FHIT: variants seen among roughly 807,000 people sequenced by gnomAD.
The protein encoded by FHIT is bis(5'-adenosyl)-triphosphatase.
FHIT carries 19 observed loss-of-function variants against 17.9 expected under a neutral mutation model. The observed-to-expected ratio is 1.06, with a 90% CI of 0.74 to 1.56. FHIT has a LOEUF of 1.56. Among genes scored for constraint, FHIT ranks in the 40% most tolerant of loss-of-function variants. The probability of loss-of-function intolerance (pLI) is 0.00; values close to 1 mark genes in which losing one functional copy is unlikely to be tolerated. For synonymous variants in FHIT, 81 were observed against 69.7 expected (o/e 1.16, Z -0.81); for missense variants, 248 against 189.2 (o/e 1.31, Z -1.82).
At chr3:60,017,828 T>C (rs760044673) in intron 5 of FHIT, among the ~76,000 whole-genome samples, 1 of 152,170 alleles carries the variant, frequency 6.6e-6, no homozygotes, top group Non-Finnish European at 1.5e-5. Context: ...AAGAAAGACA[T>C]ATTCGCATTA....
At chr3:60,335,264 G>A (rs1032755745) in intron 5 of FHIT, among the ~76,000 whole-genome samples, 5 of 152,046 alleles carry the variant, frequency 3.3e-5, no homozygotes, top group African/African-American at 9.7e-5. Flanking sequence ...ATCTTCAGAA[G>A]TTGCCACAAC....
At chr3:60,072,765 A>G (rs1376856666) in intron 5 of FHIT, among the ~76,000 whole-genome samples, 10 of 152,198 alleles carry the variant, frequency 6.6e-5, no homozygotes, top group Admixed American at 5.2e-4. Flanking sequence ...ACTATTCTCT[A>G]TTGACAGTAT....
At chr3:59,780,625 T>G (rs1271436954) in intron 8 of FHIT, among the ~76,000 whole-genome samples, 3 of 152,176 alleles carry the variant, frequency 2.0e-5, no homozygotes, top group Admixed American at 6.5e-5. Context: ...TAGGGTTAGA[T>G]GAGGTCATGA....
chr3:60,832,139 T>C (rs561379467), intron 3 of FHIT, among the ~76,000 whole-genome samples: 1 of 152,094 alleles, frequency 6.6e-6, no homozygotes, highest in South Asian at 2.1e-4. Flanking sequence ...AACATTTTTT[T>C]CCCCACATTA....
At chr3:60,387,657 C>A (rs1331117079) in intron 5 of FHIT, among the ~76,000 whole-genome samples, 1 of 152,278 alleles carries the variant, frequency 6.6e-6, no homozygotes, top group South Asian at 2.1e-4. Context: ...TTTCTCCACT[C>A]TCTTGACTTC....
At chr3:60,117,820 C>A (rs556601467) in intron 5 of FHIT, among the ~76,000 whole-genome samples, 1 of 152,078 alleles carries the variant, frequency 6.6e-6, no homozygotes, top group Non-Finnish European at 1.5e-5. Flanking sequence ...AAATCCCCTG[C>A]TTCCTCTGTA....
chr3:60,660,819 G>C (rs2040230881), intron 4 of FHIT, among the ~76,000 whole-genome samples: 1 of 130,648 alleles, frequency 7.7e-6, no homozygotes, highest in African/African-American at 2.8e-5. Context: ...TGGACTGTTT[G>C]GGTTTTTTTA....
intron 5 of FHIT, among the ~76,000 whole-genome samples, chr3:60,490,865 A>T (rs750697545): frequency 1.6e-4 from 25 of 152,152 alleles, no homozygotes; most frequent in Non-Finnish European, 3.2e-4. Context: ...TACAGGTATA[A>T]AGATGTTAAG....
intron 2 of FHIT, among the ~76,000 whole-genome samples, chr3:61,155,943 T>C (rs2037522205): frequency 6.6e-6 from 1 of 152,194 alleles, no homozygotes; most frequent in African/African-American, 2.4e-5. Context: ...CCTGCTTTCC[T>C]TCTGGGAGTC....
chr3:60,196,227 G>T lies in FHIT; in HGVS notation c.104-182075C>A, dbSNP rs190338044. Among the ~76,000 whole-genome samples, 4 of 152,194 alleles carry T rather than the reference G, an allele frequency of 2.6e-5. No homozygotes were observed. The East Asian group carries it at 7.7e-4, about 29-fold the overall frequency. ...GGGGTAAAACCAAAAAGTAAGCAGGGCTGTGTTCCTTCTGGGGGCTCTAGT... is the reference window on the plus strand; with the variant it reads ...GGGGTAAAACCAAAAAGTAAGCAGGTCTGTGTTCCTTCTGGGGGCTCTAGT... On this transcript the variant is annotated intron_variant, in intron 5 of 9. Coordinates refer to ENST00000492590, the MANE Select transcript of FHIT (RefSeq NM_002012.4).
intron 4 of FHIT, among the ~76,000 whole-genome samples, chr3:60,647,049 T>A (rs1377578358): frequency 6.6e-6 from 1 of 152,210 alleles, no homozygotes; most frequent in African/African-American, 2.4e-5. Context: ...TACAGATTTT[T>A]CCTAACAGCT....
rs959804203 is a variant in FHIT, at chr3:60,370,207, C to T, written c.103+166653G>A. ...ACACTTGAATTAACAATATTTTTGG[C>T]CAAGATTCATAAATACACTTTATGT... On this transcript the variant is annotated intron_variant, in intron 5 of 9. Transcript: ENST00000492590. Among the ~76,000 whole-genome samples the T allele has an allele frequency of 5.0e-4, 10 of 19,994 alleles. No individual in the cohort carries two copies. The East Asian group carries it at 0.013, about 26-fold the overall frequency. The allele number at this position is 19,994 out of a possible 152,430, so 13.1% of individuals were successfully genotyped here.
chr3:60,260,892 A>C (rs2107609442), intron 5 of FHIT, among the ~76,000 whole-genome samples: 1 of 152,110 alleles, frequency 6.6e-6, no homozygotes, highest in East Asian at 1.9e-4. Context: ...AGTGTGCTAA[A>C]ACACACTCCC....
At chr3:60,563,492 G>A (rs1182510090) in intron 4 of FHIT, among the ~76,000 whole-genome samples, 1 of 152,220 alleles carries the variant, frequency 6.6e-6, no homozygotes, top group Non-Finnish European at 1.5e-5. Context: ...AGTAAAGAAG[G>A]CATGCCAGAA....
At chr3:60,332,413 T>A (rs1260128086) in intron 5 of FHIT, among the ~76,000 whole-genome samples, 9 of 152,152 alleles carry the variant, frequency 5.9e-5, no homozygotes, top group Non-Finnish European at 1.0e-4. Context: ...GGAGGAAAAT[T>A]CGAGCAGACA....
chr3:60,997,859 G>T lies in FHIT; in HGVS notation c.-111+44188C>A, dbSNP rs554428845. On this transcript the variant is annotated intron_variant, in intron 3 of 9. Coordinates refer to ENST00000492590, the MANE Select transcript of FHIT (RefSeq NM_002012.4). ...ATCTCCAAAAAGAAATCTATGGAGG[G>T]GTTTCCAAACCTGGAAAGCATTAGG... 3.2e-4 allele frequency among the ~76,000 whole-genome samples: 49 copies of T among 152,162 alleles called. 1 individual carries two copies. In the South Asian group the frequency reaches 8.9e-3, roughly 28 times the overall value.
chr3:60,820,792 A>G (rs373114973), intron 4 of FHIT, among the ~76,000 whole-genome samples: 1 of 152,154 alleles, frequency 6.6e-6, no homozygotes, highest in African/African-American at 2.4e-5. Context: ...TTTATTATAC[A>G]TGTTAAATTG....
chr3:61,116,640 TGA>T (rs1245492825), intron 2 of FHIT, among the ~76,000 whole-genome samples: 1 of 151,952 alleles, frequency 6.6e-6, no homozygotes, highest in Non-Finnish European at 1.5e-5. Flanking sequence ...GTACATAGTA[TGA>T]GAGAGGTATC....
At chr3:60,763,699 C>A (rs1037788249) in intron 4 of FHIT, among the ~76,000 whole-genome samples, 1 of 152,114 alleles carries the variant, frequency 6.6e-6, no homozygotes, top group Admixed American at 6.6e-5. Context: ...GATCAGGTAA[C>A]CCTTACATCA....
Sources: allele counts gnomAD v4.1 joint callset (sites outside exome capture counted in the v4.1 genomes callset), GRCh38; gene constraint gnomAD v4.1.1; transcripts MANE v1.5; gene names NCBI Gene and HGNC (gene_info 2026-07-23, HGNC 2026-07-21).